The following SPAG1 variants were observed in gnomAD, a reference collection of about 807,000 sequenced individuals.
SPAG1 encodes sperm-associated antigen 1.
Under a neutral mutation model 100.5 loss-of-function variants are expected in SPAG1, and 69 were observed. That is an observed-to-expected ratio of 0.69 (90% CI 0.57 to 0.84). The LOEUF is 0.84. SPAG1 is among the 40% of genes least tolerant of loss of function. The pLI, the probability that SPAG1 is intolerant of heterozygous loss-of-function variation, is 0.00. For synonymous variants in SPAG1, 336 were observed against 411.6 expected (o/e 0.82, Z 2.22); for missense variants, 955 against 1,133.1 (o/e 0.84, Z 2.26).
intron 8 of SPAG1, among the ~76,000 whole-genome samples, chr8:100,188,944 A>C (rs947609996): frequency 6.6e-6 from 1 of 152,134 alleles, no homozygotes; most frequent in Admixed American, 6.5e-5. Context: ...TCCCAGCTTT[A>C]GGCAGCAGCC....
At chr8:100,175,646 C>T (rs932050100) in intron 3 of SPAG1, among the ~76,000 whole-genome samples, 2 of 152,074 alleles carry the variant, frequency 1.3e-5, no homozygotes, top group Admixed American at 6.6e-5. Flanking sequence ...GAATTAGAGA[C>T]GTTGTGTTTA....
chr8:100,199,832 T>C (rs969433210), intron 10 of SPAG1, among the ~76,000 whole-genome samples: 2 of 152,216 alleles, frequency 1.3e-5, no homozygotes, highest in Admixed American at 6.5e-5. Context: ...TAGACCCTTA[T>C]TAAATATGAT....
At chr8:100,191,350 C>T in intron 8 of SPAG1, 40 bp from the exon 9 acceptor site, 3 of 1,363,566 alleles carry the variant, frequency 2.2e-6, no homozygotes, top group Non-Finnish European at 3.1e-6. Flanking sequence ...CATAATGCCA[C>T]ATATTAAAAA....
chr8:100,193,945 GTTTT>G (rs528245973), intron 9 of SPAG1, among the ~76,000 whole-genome samples, 163 bp from the exon 10 acceptor site: 1 of 149,282 alleles, frequency 6.7e-6, no homozygotes, highest in Non-Finnish European at 1.5e-5. Flanking sequence ...GTGTGTGTGT[GTTTT>G]TTTTTTACAG....
intron 4 of SPAG1, among the ~76,000 whole-genome samples, chr8:100,179,864 C>T (rs541506671): frequency 1.3e-5 from 2 of 152,296 alleles, no homozygotes; most frequent in South Asian, 4.1e-4. Flanking sequence ...TGCATAGCCA[C>T]GTCTTCCTGG....
intron 10 of SPAG1, among the ~76,000 whole-genome samples, chr8:100,200,876 A>C (rs958885201): frequency 6.6e-6 from 1 of 152,078 alleles, no homozygotes; most frequent in African/African-American, 2.4e-5. Flanking sequence ...GATTGCAAAA[A>C]TTGTCTCCCA....
At chr8:100,199,917 GT>G (rs912447571) in intron 10 of SPAG1, among the ~76,000 whole-genome samples, 16 of 136,078 alleles carry the variant, frequency 1.2e-4, no homozygotes, top group South Asian at 2.4e-4. Flanking sequence ...GAAGTTTTTT[GT>G]TTTTTTTTTA....
At chr8:100,227,656 AGCTGTGTTTG>A (rs1209669712) in intron 14 of SPAG1, among the ~76,000 whole-genome samples, 4 of 152,160 alleles carry the variant, frequency 2.6e-5, no homozygotes, top group Non-Finnish European at 5.9e-5. Context: ...AAGTATAATC[AGCTGTGTTTG>A]AATTTTTCTG....
intron 5 of SPAG1, among the ~76,000 whole-genome samples, 195 bp downstream of exon 5, chr8:100,183,631 T>G (rs1239604137): frequency 6.6e-6 from 1 of 152,146 alleles, no homozygotes; most frequent in African/African-American, 2.4e-5. Context: ...TTCTACATCC[T>G]ATTTTTTTAT....
chr8:100,168,708 A>G (rs1218773739), intron 3 of SPAG1, among the ~76,000 whole-genome samples: 3 of 25,754 alleles, frequency 1.2e-4, no homozygotes, highest in Non-Finnish European at 2.1e-4. Context: ...TGTTGTTGAG[A>G]CAGAGCTTTG....
intron 10 of SPAG1, among the ~76,000 whole-genome samples, chr8:100,207,949 C>T (rs1467439164): frequency 6.6e-6 from 1 of 152,050 alleles, no homozygotes; most frequent in Non-Finnish European, 1.5e-5. Flanking sequence ...TCCAGAAGGC[C>T]GTGTATACTC....
chr8:100,193,940 T>C (rs1037421745), intron 9 of SPAG1, among the ~76,000 whole-genome samples, 172 bp from the exon 10 acceptor site: 1 of 152,148 alleles, frequency 6.6e-6, no homozygotes, highest in African/African-American at 2.4e-5. Flanking sequence ...TTTTTGTGTG[T>C]GTGTGTTTTT....
chr8:100,214,822 A>G (rs1817892379), intron 12 of SPAG1, among the ~76,000 whole-genome samples: 1 of 151,610 alleles, frequency 6.6e-6, no homozygotes, highest in Admixed American at 6.6e-5. Context: ...TCTACTAAAA[A>G]TACAAAAATT....
chr8:100,220,270 C>G lies in SPAG1; in HGVS notation c.1536-9C>G, dbSNP rs112884253. 3.9e-3 allele frequency: 6,179 copies of G among 1,597,254 alleles called. 188 individuals are homozygous for G. In the African/African-American group the frequency reaches 0.069, roughly 18 times the overall value. On this transcript the variant is annotated splice_polypyrimidine_tract_variant and intron_variant, in intron 12 of 18. Transcript: ENST00000388798. ...AACAAATGGTATGTAATATTTTTGT[C>G]TTCTTTAGGGCTCTGGAACTTCATC...
rs1191779455 is a variant in SPAG1 at position 100,184,661 on chromosome 8, C to T, written c.629C>T (p.Thr210Ile). ...LTEKEKDFLA[T>I]REKEKGNEAF... ...GAGAAAGAAAAGGATTTTCTTGCCA[C>T]TCGTGAAAAGGAGAAAGGAAATGAA... The change falls in exon 7 of 19, where the codon ACT becomes ATT. Residue 210 changes from threonine (T) to isoleucine (I), a missense_variant. Thr to Ile is a moderately conservative substitution (Grantham distance 89). Transcript: ENST00000388798. 34 of 1,582,884 alleles carry T rather than the reference C, an allele frequency of 2.1e-5. No individual in the cohort carries two copies. Among genetic ancestry groups the T allele is most frequent in the Non-Finnish European group, 2.9e-5 (34 of 1,169,356 alleles).
intron 12 of SPAG1, among the ~76,000 whole-genome samples, chr8:100,219,334 A>G (rs1365870229): frequency 6.6e-6 from 1 of 152,198 alleles, no homozygotes; most frequent in African/African-American, 2.4e-5. Context: ...TAAATCCACC[A>G]TCTTCAATGT....
intron 3 of SPAG1, among the ~76,000 whole-genome samples, chr8:100,168,210 G>C (rs1815650375): frequency 6.6e-6 from 1 of 152,068 alleles, no homozygotes; most frequent in Admixed American, 6.5e-5. Context: ...TTTACATCCT[G>C]GTCAGCACAT....
chr8:100,202,927 G>C (rs117575195), intron 10 of SPAG1, among the ~76,000 whole-genome samples: 1 of 152,096 alleles, frequency 6.6e-6, no homozygotes, highest in Admixed American at 6.5e-5. Flanking sequence ...TTGGGAGGCT[G>C]AGGCCAGAAG....
At chr8:100,173,029 A>ATTT (rs1563773136) in intron 3 of SPAG1, among the ~76,000 whole-genome samples, 1 of 94,230 alleles carries the variant, frequency 1.1e-5, no homozygotes, top group African/African-American at 3.9e-5. Context: ...CTTCTTGACC[A>ATTT]CTTCTTTTTT....
Sources: gnomAD v4.1 joint callset for allele counts (sites outside exome capture counted in the v4.1 genomes callset) on GRCh38, gnomAD v4.1.1 for gene constraint, MANE v1.5 for transcripts, NCBI Gene and HGNC (gene_info 2026-07-23, HGNC 2026-07-21) for gene names.